The following ARHGAP35 variants were observed in gnomAD, a reference collection of about 807,000 sequenced individuals.
ARHGAP35 encodes Rho GTPase activating protein 35.
In ARHGAP35, 15 loss-of-function variants were observed where a neutral mutation model predicts 111.1. The ratio of observed to expected loss-of-function variants is 0.13; its 90% CI spans 0.09 to 0.21. The LOEUF is 0.21. Among genes scored for constraint, ARHGAP35 ranks in the 10% least tolerant of loss-of-function variants. The pLI, the probability that ARHGAP35 is intolerant of heterozygous loss-of-function variation, is 1.00. For synonymous variants in ARHGAP35, 643 were observed against 710.3 expected (o/e 0.91, Z 1.51); for missense variants, 1,262 against 1,873.0 (o/e 0.67, Z 6.02).
In ARHGAP35 at chr19:46,884,363, C is replaced by CT. The variant is rs2055981757; in HGVS notation, c.-189+23156dup. ...ATCCCTTCCCAAGGAAACTAGCTGC[C>CT]TTATAGGGACATATGTAGGTATATA... On this transcript the variant is annotated intron_variant, in intron 1 of 6. Transcript: ENST00000672722. Among the ~76,000 whole-genome samples the CT allele has an allele frequency of 1.3e-5, 2 of 151,956 alleles. 1 individual carries two copies. The highest frequency in any genetic ancestry group is 4.8e-5 in the African/African-American group (2 of 41,362).
At chr19:46,873,338 G>A (rs934396917) in intron 1 of ARHGAP35, among the ~76,000 whole-genome samples, 3 of 151,986 alleles carry the variant, frequency 2.0e-5, no homozygotes, top group African/African-American at 7.2e-5. Flanking sequence ...CTTGTTTTAA[G>A]AGAAAGGAGC....
intron 3 of ARHGAP35, among the ~76,000 whole-genome samples, chr19:46,961,787 G>T (rs892372809): frequency 6.6e-6 from 1 of 151,974 alleles, no homozygotes; most frequent in South Asian, 2.1e-4. Flanking sequence ...AAAATTAGCC[G>T]GGCGTGGTGG....
Position 47,000,951 on chromosome 19 carries a change from T to TCTGTTC in ARHGAP35, c.*265_*270dup. 1 of 1,519,216 alleles carries TCTGTTC rather than the reference T, an allele frequency of 6.6e-7. No homozygotes were observed. Among genetic ancestry groups the TCTGTTC allele is most frequent in the Non-Finnish European group, 8.8e-7 (1 of 1,136,228 alleles). The allele number at this position is 1,519,216 out of a possible 1,614,324, so 94.1% of individuals were successfully genotyped here. A position where few individuals can be genotyped will look rare whatever the true frequency, so the allele number is the denominator to read the frequency against. On this transcript the variant is annotated 3_prime_UTR_variant, in exon 7 of 7. Transcript: ENST00000672722. The surrounding 1 kb of genome is among the most constrained non-coding windows in gnomAD (Gnocchi z 6.9). Reference sequence around the variant, plus strand: ...CAGGCAATGGCTCCAGTGCCCTCCCTCTGTTCCCTGGACCACCACCCCACG... The same window carrying TCTGTTC: ...CAGGCAATGGCTCCAGTGCCCTCCCTCTGTTCCTGTTCCCTGGACCACCACCCCACG...
chr19:46,934,239 G>A (rs752666559), intron 2 of ARHGAP35, among the ~76,000 whole-genome samples: 30 of 152,042 alleles, frequency 2.0e-4, no homozygotes, highest in Non-Finnish European at 3.5e-4. Flanking sequence ...AAAACTTTTC[G>A]ACTTTTAACC....
intron 1 of ARHGAP35, among the ~76,000 whole-genome samples, chr19:46,894,954 CCTTATAGGA>C (rs1484536224): frequency 5.3e-5 from 8 of 152,118 alleles, no homozygotes; most frequent in African/African-American, 1.9e-4. Flanking sequence ...TTATCATCAT[CCTTATAGGA>C]GGGCCAGACC....
chr19:46,958,395 A>G (rs558395177), intron 3 of ARHGAP35, among the ~76,000 whole-genome samples: 13 of 152,210 alleles, frequency 8.5e-5, no homozygotes, highest in Admixed American at 2.6e-4. Flanking sequence ...AAAAAAAAAA[A>G]AAAAAAGTGT....
At chr19:46,981,791 G>A (rs898179787) in intron 3 of ARHGAP35, among the ~76,000 whole-genome samples, 2 of 152,082 alleles carry the variant, frequency 1.3e-5, no homozygotes, top group East Asian at 1.9e-4. Context: ...CCGGAGGGCC[G>A]TCTAGTCTTC....
At chr19:46,892,115 G>A (rs186621924) in intron 1 of ARHGAP35, among the ~76,000 whole-genome samples, 1,246 of 123,704 alleles carry the variant, frequency 0.01, 11 homozygotes, top group Middle Eastern at 0.023. Context: ...GTGAAACCCT[G>A]TCTCTACTAA....
rs921315536 is a variant in ARHGAP35, at chr19:46,989,842, C to T, written c.4036+167C>T. On this transcript the variant is annotated intron_variant, in intron 5 of 6. Coordinates refer to ENST00000672722, the MANE Select transcript of ARHGAP35 (RefSeq NM_004491.5). This position sits in a 1 kb window ranked among gnomAD's most constrained non-coding sequence, Gnocchi z 5.3. ...AGCAATGGGACTTGCAAATCGGGCTCCTGCCCTTGTAGACCTTAGGTGCTT... is the reference window on the plus strand; with the variant it reads ...AGCAATGGGACTTGCAAATCGGGCTTCTGCCCTTGTAGACCTTAGGTGCTT... 6.6e-6 allele frequency among the ~76,000 whole-genome samples: 1 copy of T among 152,194 alleles called. No homozygotes were observed.
chr19:46,983,483 C>A (rs1241118931), intron 3 of ARHGAP35, among the ~76,000 whole-genome samples: 1 of 152,050 alleles, frequency 6.6e-6, no homozygotes, highest in African/African-American at 2.4e-5. Flanking sequence ...TTAAACAGTA[C>A]CCCAGTCAGA....
chr19:46,996,263 C>T (rs1391269629), intron 5 of ARHGAP35, among the ~76,000 whole-genome samples: 5 of 152,140 alleles, frequency 3.3e-5, no homozygotes. Context: ...GCCACCAGAC[C>T]TGGCTAATTT....
At chr19:46,868,175 A>G (rs1272387384) in intron 1 of ARHGAP35, among the ~76,000 whole-genome samples, 2 of 152,206 alleles carry the variant, frequency 1.3e-5, no homozygotes, top group Non-Finnish European at 2.9e-5. Flanking sequence ...GCTCTGGCCC[A>G]GTATACTTTA....
At position 46,967,396 on chromosome 19, in the gene ARHGAP35, C is replaced by T. The variant is rs2056521674; in HGVS notation, c.3827-20593C>T. On this transcript the variant is annotated intron_variant, in intron 3 of 6. Coordinates refer to ENST00000672722, the MANE Select transcript of ARHGAP35 (RefSeq NM_004491.5). The stretch of plus-strand genomic sequence containing the variant: ...TCTCTCCCTTGTTACCTTCCCACAC[C>T]AGTCAACCTCATCAGTCAGTCCCAT... 2.0e-5 allele frequency among the ~76,000 whole-genome samples: 3 copies of T among 152,128 alleles called. No homozygotes were observed. The South Asian group carries it at 6.2e-4, about 32-fold the overall frequency.
intron 1 of ARHGAP35, among the ~76,000 whole-genome samples, chr19:46,895,277 C>T (rs952741065): frequency 6.6e-6 from 1 of 151,938 alleles, no homozygotes; most frequent in African/African-American, 2.4e-5. Context: ...CATTCTCCTG[C>T]TTCAGCCTCC....
At chr19:46,864,083 G>GGT (rs1440267487) in intron 1 of ARHGAP35, among the ~76,000 whole-genome samples, 1 of 152,232 alleles carries the variant, frequency 6.6e-6, no homozygotes, top group Non-Finnish European at 1.5e-5. Flanking sequence ...CCGTACAAGG[G>GGT]GTGTGTGGGT....
At chr19:46,981,408 T>A (rs2056619609) in intron 3 of ARHGAP35, among the ~76,000 whole-genome samples, 1 of 152,136 alleles carries the variant, frequency 6.6e-6, no homozygotes, top group African/African-American at 2.4e-5. Flanking sequence ...AAGTAAAAAA[T>A]AAGCAAGTCT....
intron 3 of ARHGAP35, among the ~76,000 whole-genome samples, chr19:46,981,541 G>A (rs1044464137): frequency 2.0e-5 from 3 of 152,230 alleles, no homozygotes; most frequent in African/African-American, 7.2e-5. Context: ...GCTAAGAAGG[G>A]CCTGCCTGGG....
intron 3 of ARHGAP35, among the ~76,000 whole-genome samples, chr19:46,983,690 C>T (rs1483712035): frequency 8.0e-5 from 12 of 149,678 alleles, no homozygotes; most frequent in Admixed American, 7.3e-4. Flanking sequence ...CTCAGCTCAC[C>T]GCAAGCTCCG....
chr19:46,974,498 C>T (rs1165497897), intron 3 of ARHGAP35, among the ~76,000 whole-genome samples: 1 of 152,184 alleles, frequency 6.6e-6, no homozygotes, highest in South Asian at 2.1e-4. Context: ...AACTCAGGAA[C>T]AACCAAATGG....
Sources: gnomAD v4.1 joint callset for allele counts (sites outside exome capture counted in the v4.1 genomes callset) on GRCh38, gnomAD v4.1.1 for gene constraint, Gnocchi (gnomAD v3.1) non-coding constraint, MANE v1.5 for transcripts, NCBI Gene and HGNC (gene_info 2026-07-23, HGNC 2026-07-21) for gene names.